The following C12orf42 variants were observed in gnomAD, a reference collection of about 807,000 sequenced individuals.
C12orf42 encodes uncharacterized protein C12orf42.
A neutral mutation model predicts 21.6 loss-of-function variants in C12orf42; 25 were observed. The observed-to-expected ratio is 1.16, with a 90% CI of 0.84 to 1.62. The LOEUF is 1.62. Ranked by LOEUF, C12orf42 falls within the 40% of genes most tolerant of loss-of-function variation. The probability of loss-of-function intolerance (pLI) is 0.00; values close to 1 mark genes in which losing one functional copy is unlikely to be tolerated. For missense variants in C12orf42, 483 were observed against 459.3 expected, an observed-to-expected ratio of 1.05 and a Z score of -0.47; for synonymous variants, 174 against 175.0, an observed-to-expected ratio of 0.99 and a Z score of 0.05.
the C12orf42 span, chr12:103,505,085 C>T: frequency 2.8e-6 from 1 of 362,270 alleles, no homozygotes; most frequent in Non-Finnish European, 5.8e-6. Context: ...ATCAGAATTT[C>T]CCTTCTGAAG....
At chr12:103,450,687 T>C (rs1306436418) in intron 2 of C12orf42, among the ~76,000 whole-genome samples, 1 of 152,092 alleles carries the variant, frequency 6.6e-6, no homozygotes, top group Non-Finnish European at 1.5e-5. Flanking sequence ...TGGCTCCCAA[T>C]CTGCTGTTCT....
chr12:103,264,734 C>T (rs567679031), downstream of C12orf42, among the ~76,000 whole-genome samples: 78 of 152,180 alleles, frequency 5.1e-4, no homozygotes, highest in African/African-American at 1.8e-3. Flanking sequence ...GTAACAAGTG[C>T]TAAAAAATAA....
the C12orf42 span, among the ~76,000 whole-genome samples, chr12:103,204,156 C>T: frequency 1.3e-3 from 202 of 152,244 alleles, no homozygotes; most frequent in African/African-American, 4.1e-3. Context: ...GTTTGAAATA[C>T]GTCAGGGTCA....
downstream of C12orf42, among the ~76,000 whole-genome samples, chr12:103,300,965 A>T (rs2037610042): frequency 6.6e-6 from 1 of 152,222 alleles, no homozygotes; most frequent in Non-Finnish European, 1.5e-5. Flanking sequence ...AAGTTTAGGG[A>T]TTCCATTTTT....
intron 3 of C12orf42, among the ~76,000 whole-genome samples, chr12:103,388,702 A>G (rs1040053480): frequency 6.6e-6 from 1 of 152,164 alleles, no homozygotes; most frequent in Non-Finnish European, 1.5e-5. Flanking sequence ...CAAACTCCAA[A>G]TGGAAATGAA....
At chr12:103,057,836 A>G in the C12orf42 span, among the ~76,000 whole-genome samples, 1 of 152,088 alleles carries the variant, frequency 6.6e-6, no homozygotes, top group East Asian at 1.9e-4. Context: ...AAGCATTCCC[A>G]CTTCTCCATA....
chr12:103,182,712 T>C, the C12orf42 span, among the ~76,000 whole-genome samples: 8 of 152,158 alleles, frequency 5.3e-5, no homozygotes, highest in African/African-American at 1.9e-4. Context: ...TTAGAAATAA[T>C]ACAAAAAAAC....
At chr12:103,379,900 A>G (rs994016869) in intron 3 of C12orf42, among the ~76,000 whole-genome samples, 8 of 152,230 alleles carry the variant, frequency 5.3e-5, no homozygotes, top group African/African-American at 1.9e-4. Context: ...TTCGAGCACC[A>G]TGGATTTAAG....
At chr12:103,367,840 C>T (rs751782024) in intron 4 of C12orf42, among the ~76,000 whole-genome samples, 2 of 151,924 alleles carry the variant, frequency 1.3e-5, no homozygotes, top group Non-Finnish European at 2.9e-5. Flanking sequence ...ACTCAAAAAA[C>T]TCATTAAAAT....
the C12orf42 span, among the ~76,000 whole-genome samples, chr12:103,215,507 C>T: frequency 7.9e-5 from 12 of 152,058 alleles, no homozygotes; most frequent in Non-Finnish European, 1.5e-5. Flanking sequence ...GGATGAGTAA[C>T]AGCCTCTGAT....
chr12:103,050,719 C>G, the C12orf42 span, among the ~76,000 whole-genome samples: 1 of 151,722 alleles, frequency 6.6e-6, no homozygotes, highest in Non-Finnish European at 1.5e-5. Context: ...GGCTAGAGGT[C>G]CTGGTATACT....
chr12:103,068,985 A>G, the C12orf42 span, among the ~76,000 whole-genome samples: 1 of 98,928 alleles, frequency 1.0e-5, no homozygotes, highest in Non-Finnish European at 2.0e-5. Flanking sequence ...ATATATATAT[A>G]TATATAATCC....
At chr12:103,545,332 T>C in the C12orf42 span, among the ~76,000 whole-genome samples, 21 of 152,306 alleles carry the variant, frequency 1.4e-4, no homozygotes, top group Admixed American at 1.2e-3. Flanking sequence ...TAAAAGCAAG[T>C]TGCAAATAAA....
the C12orf42 span, among the ~76,000 whole-genome samples, chr12:103,091,297 C>T: frequency 2.0e-5 from 3 of 152,074 alleles, no homozygotes; most frequent in African/African-American, 4.8e-5. Context: ...AAAACTACCC[C>T]GATTATCCTG....
At chr12:103,076,233 GATA>G in the C12orf42 span, among the ~76,000 whole-genome samples, 28 of 149,740 alleles carry the variant, frequency 1.9e-4, no homozygotes, top group Middle Eastern at 6.9e-3. Context: ...AAAGTATAAT[GATA>G]ATAATAATAA....
chr12:103,194,713 GAATT>G, the C12orf42 span, among the ~76,000 whole-genome samples: 1 of 152,132 alleles, frequency 6.6e-6, no homozygotes. Context: ...CGAATTGGAA[GAATT>G]AATATTGTTA....
At chr12:103,537,454 C>T in the C12orf42 span, among the ~76,000 whole-genome samples, 1 of 152,172 alleles carries the variant, frequency 6.6e-6, no homozygotes, top group Non-Finnish European at 1.5e-5. Context: ...TTCAATATTT[C>T]TAGAGCTGGC....
chr12:103,373,403 A>C (rs2045430615), intron 3 of C12orf42, among the ~76,000 whole-genome samples: 1 of 152,110 alleles, frequency 6.6e-6, no homozygotes, highest in African/African-American at 2.4e-5. Flanking sequence ...TCTCCTCCCA[A>C]GTCATGTTGA....
chr12:103,126,463 C>T, the C12orf42 span, among the ~76,000 whole-genome samples: 1 of 152,060 alleles, frequency 6.6e-6, no homozygotes. Flanking sequence ...TACAATAATC[C>T]TTCCCACTGG....
Sources: gnomAD v4.1 joint callset for allele counts (sites outside exome capture counted in the v4.1 genomes callset) on GRCh38, gnomAD v4.1.1 for gene constraint, MANE v1.5 for transcripts, NCBI Gene and HGNC (gene_info 2026-07-23, HGNC 2026-07-21) for gene names.